The following GLB1 variants were observed in gnomAD, a reference collection of about 807,000 sequenced individuals.
GLB1 encodes the protein galactosidase beta 1.
A neutral mutation model predicts 74.0 loss-of-function variants in GLB1; 56 were observed. The ratio of observed to expected loss-of-function variants is 0.76; its 90% CI spans 0.61 to 0.94. The LOEUF (loss-of-function observed/expected upper bound fraction) is 0.94, where lower values mean the gene tolerates loss of function less well. Ranked by LOEUF, GLB1 falls within the 40% of genes least tolerant of loss-of-function variation. The pLI, the probability that GLB1 is intolerant of heterozygous loss-of-function variation, is 0.00. For synonymous variants in GLB1, 323 were observed against 323.6 expected (o/e 1.00, Z 0.02); for missense variants, 787 against 845.5 (o/e 0.93, Z 0.86).
intron 15 of GLB1, among the ~76,000 whole-genome samples, chr3:32,999,234 C>T (rs1696444123): frequency 6.6e-6 from 1 of 152,188 alleles, no homozygotes; most frequent in South Asian, 2.1e-4. Context: ...CTCATTCCAT[C>T]CTAAAAGGTA....
intron 14 of GLB1, among the ~76,000 whole-genome samples, chr3:33,016,329 C>A (rs1210265061): frequency 6.6e-6 from 1 of 152,204 alleles, no homozygotes; most frequent in African/African-American, 2.4e-5. Flanking sequence ...TCATCACCTA[C>A]AGAGGAAAAC....
At position 33,084,508 on chromosome 3, in the gene GLB1, T is replaced by C. The variant is rs527403579; in HGVS notation, c.76-11795A>G. Among the ~76,000 whole-genome samples the C allele has an allele frequency of 3.3e-4, 50 of 151,688 alleles. 1 individual carries two copies. The South Asian group carries it at 7.1e-3, about 22-fold the overall frequency. On this transcript the variant is annotated intron_variant, in intron 1 of 15. Coordinates refer to ENST00000307363, the MANE Select transcript of GLB1 (RefSeq NM_000404.4). ...TCTGCTCTAGCTTATGCATTCGATT[T>C]TTATTAACTTTATGTTTTCACGCCT...
At chr3:33,090,855 G>A in intron 1 of GLB1, 1 of 985,378 alleles carries the variant, frequency 1.0e-6, no homozygotes, top group Non-Finnish European at 1.2e-6. Flanking sequence ...GGACTTCAGA[G>A]TGGATGAAGG....
intron 6 of GLB1, among the ~76,000 whole-genome samples, chr3:33,054,275 A>G (rs149709712): frequency 6.6e-6 from 1 of 152,324 alleles, no homozygotes; most frequent in East Asian, 1.9e-4. Flanking sequence ...TGACTAAGAC[A>G]GGCCCCTTTC....
intron 12 of GLB1, 69 bp from the exon 13 acceptor site, chr3:33,018,630 G>T: frequency 6.7e-7 from 1 of 1,503,714 alleles, no homozygotes; most frequent in South Asian, 1.2e-5. Context: ...GGTTACCCTA[G>T]ACATGTATGA....
intron 5 of GLB1, among the ~76,000 whole-genome samples, chr3:33,063,517 A>G (rs1034502477): frequency 6.6e-6 from 1 of 152,206 alleles, no homozygotes; most frequent in Non-Finnish European, 1.5e-5. Flanking sequence ...TGGACACAAG[A>G]AGAAATATCT....
Position 33,065,537 on chromosome 3 carries a change from TG to T in GLB1, c.477del (p.Asp159GlufsTer11). The T allele has an allele frequency of 6.3e-7, 1 of 1,580,088 alleles. No individual in the cohort carries two copies. The highest frequency in any genetic ancestry group is 8.6e-7 in the Non-Finnish European group (1 of 1,159,444). On this transcript the variant is annotated frameshift_variant, in exon 5 of 16. Transcript: ENST00000307363. LOFTEE classifies it high-confidence loss of function. ...TTGGGCAGAAGGACTCCCAACCACTTGTCCACAGCTGCCAGGTAATCTGGAA... is the reference window on the plus strand; with the variant it reads ...TTGGGCAGAAGGACTCCCAACCACTTTCCACAGCTGCCAGGTAATCTGGAA... ...SSDPDYLAAV[D>X]KWLGVLLPKM...
chr3:33,087,713 A>G (rs1354220928), intron 1 of GLB1, among the ~76,000 whole-genome samples: 5 of 152,144 alleles, frequency 3.3e-5, no homozygotes, highest in African/African-American at 9.7e-5. Context: ...ATCCTCCTGA[A>G]ACTATTACAA....
At chr3:33,087,657 C>T (rs1488665808) in intron 1 of GLB1, among the ~76,000 whole-genome samples, 1 of 150,662 alleles carries the variant, frequency 6.6e-6, no homozygotes, top group African/African-American at 2.4e-5. Context: ...AACCAGATGG[C>T]TTCACTGGAG....
At position 33,056,404 on chromosome 3, in the gene GLB1, TTG is replaced by T. The variant is rs143885267; in HGVS notation, c.733+1683_733+1684del. On this transcript the variant is annotated intron_variant, in intron 6 of 15. Coordinates refer to ENST00000307363, the MANE Select transcript of GLB1 (RefSeq NM_000404.4). The stretch of plus-strand genomic sequence containing the variant: ...ATGCTACTCAAGGAACTGGTCTTTT[TTG>T]TGTGTGTGTATCTTTTTTTTTTTTT... Among the ~76,000 whole-genome samples the T allele has an allele frequency of 8.4e-3, 1,281 of 151,784 alleles. 20 individuals carry two copies. Among genetic ancestry groups the T allele is most frequent in the African/African-American group, 0.029 (1,184 of 41,464 alleles).
At chr3:33,087,509 G>T (rs537148308) in intron 1 of GLB1, among the ~76,000 whole-genome samples, 4 of 151,908 alleles carry the variant, frequency 2.6e-5, no homozygotes, top group Non-Finnish European at 4.4e-5. Flanking sequence ...GGTGGAGGTT[G>T]CAGTGACCCA....
chr3:32,972,182 G>C, the GLB1 span, among the ~76,000 whole-genome samples: 9 of 152,088 alleles, frequency 5.9e-5, no homozygotes, highest in African/African-American at 1.9e-4. Flanking sequence ...CACATCATAA[G>C]GTTGCAGGCA....
chr3:32,989,891 T>C, the GLB1 span, among the ~76,000 whole-genome samples: 1 of 152,328 alleles, frequency 6.6e-6, no homozygotes, highest in Non-Finnish European at 1.5e-5. Flanking sequence ...AAAAGGTTCT[T>C]ATAAAGACTG....
At chr3:33,045,749 C>T (rs1174932180) in intron 10 of GLB1, 6 of 1,158,326 alleles carry the variant, frequency 5.2e-6, no homozygotes, top group African/African-American at 1.6e-5. Flanking sequence ...TCTCTCCCAT[C>T]ACCCTACCTC....
intron 15 of GLB1, among the ~76,000 whole-genome samples, 175 bp from the exon 16 acceptor site, chr3:32,997,519 C>G (rs946538728): frequency 2.0e-5 from 3 of 152,188 alleles, no homozygotes; most frequent in Non-Finnish European, 2.9e-5. Context: ...GCTGGGATAA[C>G]TGGCCAAGGT....
intron 10 of GLB1, chr3:33,038,126 T>G (rs958829249): frequency 2.0e-5 from 3 of 151,822 alleles, no homozygotes; most frequent in African/African-American, 7.3e-5. Context: ...TTCATTCTAT[T>G]TGGAGAAACT....
chr3:33,022,563 G>GTTTTTTTTTTTTTTTTT (rs1380045437), intron 11 of GLB1, among the ~76,000 whole-genome samples: 50 of 15,274 alleles, frequency 3.3e-3, no homozygotes, highest in Non-Finnish European at 0.011. Flanking sequence ...TACTGGTTAG[G>GTTTTTTTTTTTTTTTTT]ATTTTTTTTT....
At chr3:33,044,836 G>GT (rs1460124625) in intron 10 of GLB1, among the ~76,000 whole-genome samples, 2 of 152,032 alleles carry the variant, frequency 1.3e-5, no homozygotes, top group South Asian at 2.1e-4. Context: ...AAAACTGTGG[G>GT]TTTTTTCTTT....
the GLB1 span, among the ~76,000 whole-genome samples, chr3:32,969,708 C>T: frequency 6.6e-6 from 1 of 152,320 alleles, no homozygotes; most frequent in Admixed American, 6.5e-5. Context: ...GCTAGCCATA[C>T]CTGAAATGGT....
Sources: allele counts gnomAD v4.1 joint callset (sites outside exome capture counted in the v4.1 genomes callset), GRCh38; gene constraint gnomAD v4.1.1; transcripts MANE v1.5; gene names NCBI Gene and HGNC (gene_info 2026-07-23, HGNC 2026-07-21).